The following RLF variants were observed in gnomAD, a reference collection of about 807,000 sequenced individuals.
RLF encodes the protein zinc finger protein Rlf.
Under a neutral mutation model 162.9 loss-of-function variants are expected in RLF, and 7 were observed. That is an observed-to-expected ratio of 0.04 (90% CI 0.02 to 0.08). RLF has a LOEUF of 0.08. RLF is among the 10% of genes least tolerant of loss of function. The pLI is 1.00. For missense variants in RLF, 1,664 were observed against 2,244.7 expected (o/e 0.74, Z 5.23); for synonymous variants, 782 against 791.5 (o/e 0.99, Z 0.20).
Position 40,239,837 on chromosome 1 carries a change from ATTTCACAAG to A in RLF, c.5140_5148del (p.Thr1714_Phe1716del). On this transcript the variant is annotated inframe_deletion, in exon 8 of 8. Coordinates refer to ENST00000372771, the MANE Select transcript of RLF (RefSeq NM_012421.4). ...CCCAATGGGACTGAAAGTGGGACTTATTTCACAAGTTTCCAGCTGCCTTTACCAAGGATC... is the reference window on the plus strand; with the variant it reads ...CCCAATGGGACTGAAAGTGGGACTTATTTCCAGCTGCCTTTACCAAGGATC... 1 of 1,614,104 alleles carries A rather than the reference ATTTCACAAG, an allele frequency of 6.2e-7. No homozygotes were observed. The highest frequency in any genetic ancestry group is 8.5e-7 in the Non-Finnish European group (1 of 1,180,024).
At chr1:40,204,855 T>C (rs1570543160) in intron 5 of RLF, among the ~76,000 whole-genome samples, 3 of 152,278 alleles carry the variant, frequency 2.0e-5, no homozygotes, top group South Asian at 4.1e-4. Context: ...TCCCTATTTC[T>C]CTGAAAAAAA....
intron 6 of RLF, among the ~76,000 whole-genome samples, chr1:40,226,073 A>C (rs2124556532): frequency 6.6e-6 from 1 of 152,178 alleles, no homozygotes; most frequent in African/African-American, 2.4e-5. Context: ...AAAAACAAAA[A>C]ACTATGTAAC....
intron 1 of RLF, among the ~76,000 whole-genome samples, chr1:40,169,342 C>T (rs1476331761): frequency 7.2e-5 from 11 of 151,836 alleles, no homozygotes; most frequent in African/African-American, 2.4e-4. Flanking sequence ...CTCGGCCGGG[C>T]GCGGTGGCTC....
chr1:40,170,071 T>TA (rs1423269074), intron 1 of RLF, among the ~76,000 whole-genome samples: 1 of 152,170 alleles, frequency 6.6e-6, no homozygotes, highest in Admixed American at 6.5e-5. Flanking sequence ...TTGCCAAACT[T>TA]ACCAGGTCTA....
At chr1:40,221,297 T>G (rs2124553092) in intron 5 of RLF, among the ~76,000 whole-genome samples, 1 of 151,810 alleles carries the variant, frequency 6.6e-6, no homozygotes, top group Middle Eastern at 3.4e-3. Context: ...TTGCCAGTCT[T>G]ACAGATTTGT....
Position 40,236,497 on chromosome 1 carries a change from C to T in RLF, c.1795C>T (p.Pro599Ser), listed in dbSNP as rs763132630. 1.2e-6 allele frequency: 2 copies of T among 1,613,676 alleles called. No individual in the cohort carries two copies. Among genetic ancestry groups the T allele is most frequent in the Admixed American group, 1.7e-5 (1 of 59,906 alleles). ...KKFKRKEMFV[P>S]HVMEHVKMPP... ...ATTTAAGAGAAAAGAAATGTTTGTT[C>T]CTCATGTGATGGAGCATGTTAAAAT... Residue 599 changes from proline to serine, a missense_variant, in exon 8 of 8, where the codon CCT (proline) becomes TCT (serine). By Grantham distance (74) the Pro-to-Ser change is moderately conservative. This residue lies in a region of RLF where 31 missense variants were observed against 80.5 expected (regional missense o/e 0.39). Transcript: ENST00000372771. This position sits in a 1 kb window ranked among gnomAD's most constrained non-coding sequence, Gnocchi z 7.7.
At chr1:40,169,636 A>T (rs1476612473) in intron 1 of RLF, among the ~76,000 whole-genome samples, 19 of 151,482 alleles carry the variant, frequency 1.3e-4, no homozygotes, top group Admixed American at 1.2e-3. Flanking sequence ...AAAAAAAAAA[A>T]AAAAAAAAAT....
chr1:40,169,431 A>G (rs944021159), intron 1 of RLF, among the ~76,000 whole-genome samples: 7 of 151,624 alleles, frequency 4.6e-5, no homozygotes, highest in East Asian at 2.0e-4. Flanking sequence ...CCTGGCTAAC[A>G]GGGTGAAACC....
chr1:40,216,125 T>C (rs1014051694), intron 5 of RLF, among the ~76,000 whole-genome samples: 5 of 152,132 alleles, frequency 3.3e-5, no homozygotes, highest in East Asian at 1.9e-4. Context: ...AAAGGAATAC[T>C]CTGAACAACT....
chr1:40,210,968 G>A (rs1364901696), intron 5 of RLF, among the ~76,000 whole-genome samples: 3 of 152,124 alleles, frequency 2.0e-5, no homozygotes, highest in Non-Finnish European at 2.9e-5. Context: ...TAGGAAATAC[G>A]ATTTGATACT....
At chr1:40,185,624 A>T (rs2124533182) in intron 1 of RLF, among the ~76,000 whole-genome samples, 1 of 129,390 alleles carries the variant, frequency 7.7e-6, no homozygotes, top group South Asian at 2.8e-4. Context: ...CATCCTGGCT[A>T]ACACGGTGAA....
Position 40,239,603 on chromosome 1 carries a change from C to T in RLF, c.4901C>T (p.Ala1634Val), listed in dbSNP as rs1188982517. The T allele has an allele frequency of 1.9e-6, 3 of 1,614,032 alleles. No homozygotes were observed. The highest frequency in any genetic ancestry group is 2.5e-6 in the Non-Finnish European group (3 of 1,180,036). ...AGCCATTCCCCGGGTGACAGTAGTG[C>T]ACCCATCCAGAACACTGATTGCTGT... Reference protein sequence around the residue: ...EHSHSPGDSSAPIQNTDCCHS... With the variant: ...EHSHSPGDSSVPIQNTDCCHS... The change falls in exon 8 of 8, where the codon GCA becomes GTA. Residue 1634 changes from alanine (A) to valine (V), a missense_variant. Coordinates refer to ENST00000372771, the MANE Select transcript of RLF (RefSeq NM_012421.4).
At chr1:40,219,987 C>G (rs959555150) in intron 5 of RLF, among the ~76,000 whole-genome samples, 5 of 152,234 alleles carry the variant, frequency 3.3e-5, no homozygotes, top group African/African-American at 1.2e-4. Flanking sequence ...TGGCTCACGC[C>G]TGTAATCCCA....
rs779499556 is a variant in RLF at position 40,222,592 on chromosome 1, A to G, written c.829A>G (p.Lys277Glu). 1 of 1,613,372 alleles carries G rather than the reference A, an allele frequency of 6.2e-7. No homozygotes were observed. The highest frequency in any genetic ancestry group is 8.5e-7 in the Non-Finnish European group (1 of 1,179,698). The change falls in exon 6 of 8, where the codon AAG becomes GAG. Residue 277 changes from lysine to glutamate, a missense_variant. Lys to Glu is a moderately conservative substitution (Grantham distance 56). Around this residue, in one of 15 missense-constraint regions of RLF, gnomAD observed 287 missense variants for 404.9 expected, o/e 0.71. Transcript: ENST00000372771. ...AIKEIAKVDC[K>E]EVLDIICNLE... ...TTGATAGATTGCAAAGGTCGACTGCAAGGAAGTACTAGACATCATTTGTAA... is the reference window on the plus strand; with the variant it reads ...TTGATAGATTGCAAAGGTCGACTGCGAGGAAGTACTAGACATCATTTGTAA...
In RLF at chr1:40,236,340, A is replaced by G. The variant is rs751520075; in HGVS notation, c.1638A>G (p.Arg546=). 4 of 1,613,950 alleles carry G rather than the reference A, an allele frequency of 2.5e-6. No individual in the cohort carries two copies. The highest frequency in any genetic ancestry group is 1.6e-4 in the Middle Eastern group (1 of 6,062). Residue 546 remains arginine, a synonymous_variant, in exon 8 of 8, where the codon AGA becomes AGG. Coordinates refer to ENST00000372771, the MANE Select transcript of RLF (RefSeq NM_012421.4). The surrounding 1 kb of genome is among the most constrained non-coding windows in gnomAD (Gnocchi z 7.7). ...RDKKPIGSSE[R]YQRWLQYKFF... is the part of the protein sequence containing the mutation. ...AAAAACCTATTGGCTCTTCTGAAAG[A>G]TATCAGAGGTGGCTTCAGTACAAGT...
chr1:40,192,572 T>C (rs1430975396), intron 3 of RLF, among the ~76,000 whole-genome samples: 3 of 152,188 alleles, frequency 2.0e-5, no homozygotes, highest in African/African-American at 7.2e-5. Flanking sequence ...TTTTCTTAGC[T>C]TGCTTGAATA....
chr1:40,238,967 A>G lies in RLF; in HGVS notation c.4265A>G (p.Asn1422Ser). The G allele has an allele frequency of 1.9e-6, 3 of 1,614,202 alleles. No individual in the cohort carries two copies. Among genetic ancestry groups the G allele is most frequent in the Non-Finnish European group, 2.5e-6 (3 of 1,180,016 alleles). Residue 1422 changes from asparagine to serine, a missense_variant, in exon 8 of 8, where the codon AAC (asparagine) becomes AGC (serine). Asn to Ser is a conservative substitution (Grantham distance 46). Coordinates refer to ENST00000372771, the MANE Select transcript of RLF (RefSeq NM_012421.4). The surrounding 1 kb of genome is among the most constrained non-coding windows in gnomAD (Gnocchi z 5.2). ...PQCPAVFYTF[N>S]KLKHHLMEQH... ...TGCCCTGCTGTTTTTTATACATTCA[A>G]CAAGTTGAAGCACCACTTGATGGAA...
rs1311683406 is a variant in RLF, at chr1:40,202,602, T to C, written c.798T>C (p.Asp266=). The C allele has an allele frequency of 2.0e-6, 3 of 1,524,502 alleles. No homozygotes were observed. The highest frequency in any genetic ancestry group is 2.6e-6 in the Non-Finnish European group (3 of 1,143,096). 94.4% of individuals were successfully genotyped at this position (1,524,502 alleles called of 1,614,324 possible). The stretch of plus-strand genomic sequence containing the variant: ...TATGTTCTATGCTCCCTAATGAAGA[T>C]GCTATTAAGGAGGTGAGTAAATAAT... ...TCLCSMLPNE[D]AIKEIAKVDC... The change falls in exon 5 of 8, where the codon GAT becomes GAC. Residue 266 remains aspartate (D), a synonymous_variant. Coordinates refer to ENST00000372771, the MANE Select transcript of RLF (RefSeq NM_012421.4).
In RLF at chr1:40,206,258, A is replaced by G. The variant is rs369760235; in HGVS notation, c.810+3644A>G. Among the ~76,000 whole-genome samples the G allele has an allele frequency of 9.8e-5, 15 of 152,328 alleles. 1 individual carries two copies. The highest frequency in any genetic ancestry group is 3.9e-4 in the East Asian group (2 of 5,184). On this transcript the variant is annotated intron_variant, in intron 5 of 7. Transcript: ENST00000372771. ...TACTTTGCTACATTTAATCAGCACA[A>G]TAGCTCTGAGGTAGCTCCATTTTAT...
Sources: allele counts gnomAD v4.1 joint callset (sites outside exome capture counted in the v4.1 genomes callset), GRCh38; gene constraint gnomAD v4.1.1; regional missense constraint gnomAD v4.1.1; non-coding constraint Gnocchi (gnomAD v3.1); transcripts MANE v1.5; gene names NCBI Gene and HGNC (gene_info 2026-07-23, HGNC 2026-07-21).